TNFRSF10B: variants seen among roughly 807,000 people sequenced by gnomAD.
TNFRSF10B encodes TNF receptor superfamily member 10b, also known as tumor necrosis factor receptor superfamily member 10B.
Under a neutral mutation model 41.4 loss-of-function variants are expected in TNFRSF10B, and 35 were observed. That is an observed-to-expected ratio of 0.85 (90% CI 0.65 to 1.12). The LOEUF is 1.12. TNFRSF10B is among the 50% of genes most tolerant of loss of function. The probability of loss-of-function intolerance (pLI) is 0.00; values close to 1 mark genes in which losing one functional copy is unlikely to be tolerated. For synonymous variants in TNFRSF10B, 230 were observed against 215.5 expected (o/e 1.07, Z -0.59); for missense variants, 584 against 552.7 (o/e 1.06, Z -0.57).
chr8:23,068,991 G>A lies in TNFRSF10B; in HGVS notation c.-97C>T. 1 of 1,592,428 alleles carries A rather than the reference G, an allele frequency of 6.3e-7. No homozygotes were observed. Among genetic ancestry groups the A allele is most frequent in the Non-Finnish European group, 8.6e-7 (1 of 1,166,800 alleles). On this transcript the variant is annotated 5_prime_UTR_variant, in exon 1 of 9. Transcript: ENST00000276431. ...GGTGTATTTTGTGGGCGCAGAGATT[G>A]CGGGGTTCTCCGGCCGCGTGCTGAT...
chr8:23,053,461 A>C (rs1812578527), intron 1 of TNFRSF10B, among the ~76,000 whole-genome samples: 1 of 151,108 alleles, frequency 6.6e-6, no homozygotes, highest in Non-Finnish European at 1.5e-5. Context: ...TAAAAGGTTA[A>C]AGGATTGTTT....
chr8:23,023,088 C>T (rs1811589135), intron 8 of TNFRSF10B, 104 bp from the exon 9 acceptor site: 31 of 1,431,774 alleles, frequency 2.2e-5, no homozygotes, highest in South Asian at 1.6e-4. Context: ...TGGAGAGCCC[C>T]GTGTGCGGGC....
Position 23,022,452 on chromosome 8 carries a change from A to G in TNFRSF10B, c.*219T>C, listed in dbSNP as rs1292362033. 3 of 674,488 alleles carry G rather than the reference A, an allele frequency of 4.4e-6. No individual in the cohort carries two copies. The highest frequency in any genetic ancestry group is 1.8e-5 in the African/African-American group (1 of 56,662). The allele number at this position is 674,488 out of a possible 1,614,324, so 41.8% of individuals were successfully genotyped here. A position where few individuals can be genotyped will look rare whatever the true frequency, so the allele number is the denominator to read the frequency against. On this transcript the variant is annotated 3_prime_UTR_variant, in exon 9 of 9. Coordinates refer to ENST00000276431, the MANE Select transcript of TNFRSF10B (RefSeq NM_003842.5). ...CAAACGGAATGATCCAGACATTTCC[A>G]TAGTGTCCTTATTATCACATTCAGC...
At chr8:23,061,729 T>TAA (rs1812835444) in intron 1 of TNFRSF10B, among the ~76,000 whole-genome samples, 1 of 152,216 alleles carries the variant, frequency 6.6e-6, no homozygotes, top group South Asian at 2.1e-4. Context: ...GTTTGCTGGG[T>TAA]GTTTTCATCA....
intron 1 of TNFRSF10B, among the ~76,000 whole-genome samples, chr8:23,064,336 C>T (rs1448308962): frequency 1.3e-5 from 2 of 152,194 alleles, no homozygotes; most frequent in East Asian, 1.9e-4. Flanking sequence ...AATATGATTA[C>T]AAAATGTAGG....
At chr8:23,032,112 G>A (rs945889212) in intron 2 of TNFRSF10B, among the ~76,000 whole-genome samples, 1 of 151,974 alleles carries the variant, frequency 6.6e-6, no homozygotes, top group African/African-American at 2.4e-5. Flanking sequence ...TCACCATCTT[G>A]GCCAGGCTGT....
intron 1 of TNFRSF10B, among the ~76,000 whole-genome samples, chr8:23,048,855 G>C (rs898360017): frequency 6.6e-6 from 1 of 152,124 alleles, no homozygotes; most frequent in African/African-American, 2.4e-5. Context: ...TCCTGCCTCA[G>C]CCTCTCAAAG....
At chr8:23,048,587 C>T (rs1038234379) in intron 1 of TNFRSF10B, among the ~76,000 whole-genome samples, 4 of 152,064 alleles carry the variant, frequency 2.6e-5, no homozygotes, top group Non-Finnish European at 5.9e-5. Flanking sequence ...ATCTGTTGCA[C>T]AGTGCAATGA....
At chr8:23,040,423 TTAAA>T (rs1441444108) in intron 2 of TNFRSF10B, among the ~76,000 whole-genome samples, 2 of 33,976 alleles carry the variant, frequency 5.9e-5, no homozygotes, top group African/African-American at 1.1e-4. Flanking sequence ...TATATATTTA[TTAAA>T]TATATATATA....
intron 2 of TNFRSF10B, among the ~76,000 whole-genome samples, chr8:23,041,616 A>AAC (rs1812204968): frequency 1.3e-5 from 2 of 152,054 alleles, no homozygotes; most frequent in African/African-American, 4.8e-5. Context: ...AAAAAAAAAA[A>AAC]AAAAAAACCT....
rs549868508 is a variant in TNFRSF10B, at chr8:23,048,333, G to A, written c.145-5090C>T. Among the ~76,000 whole-genome samples the A allele has an allele frequency of 3.9e-5, 6 of 152,044 alleles. No homozygotes were observed. The East Asian group carries it at 7.7e-4, about 20-fold the overall frequency. On this transcript the variant is annotated intron_variant, in intron 1 of 8. Transcript: ENST00000276431. ...CATCTGTAATCCCAGCTACTCAGGA[G>A]GCTAAGGCAGGAGAATCACTTGAAC...
chr8:23,043,280 C>G, intron 1 of TNFRSF10B, 37 bp from the exon 2 acceptor site: 1 of 1,538,834 alleles, frequency 6.5e-7, no homozygotes, highest in Non-Finnish European at 9.0e-7. Flanking sequence ...TGAGTGGCTT[C>G]CAGACCTCAC....
Position 23,022,540 on chromosome 8 carries a change from G to A in TNFRSF10B, c.*131C>T, listed in dbSNP as rs1042090058. ...GATGTTCCATCCACTGGGTGATGTTGGATGGGAGAGTTTCTTCCAGTACCG... is the reference window on the plus strand; with the variant it reads ...GATGTTCCATCCACTGGGTGATGTTAGATGGGAGAGTTTCTTCCAGTACCG... On this transcript the variant is annotated 3_prime_UTR_variant, in exon 9 of 9. Coordinates refer to ENST00000276431, the MANE Select transcript of TNFRSF10B (RefSeq NM_003842.5). The A allele has an allele frequency of 1.1e-6, 1 of 947,312 alleles. No homozygotes were observed. Among genetic ancestry groups the A allele is most frequent in the African/African-American group, 1.6e-5 (1 of 61,736 alleles). The allele number at this position is 947,312 out of a possible 1,614,324, so 58.7% of individuals were successfully genotyped here. A position where few individuals can be genotyped will look rare whatever the true frequency, so the allele number is the denominator to read the frequency against.
rs34761330 is a variant in TNFRSF10B, at chr8:23,055,521, T to TAAAAAAAAAAA, written c.145-12289_145-12279dup. ...GTGCTTAAGTTAACTATTAAATGCT[T>TAAAAAAAAAAA]AAAAAAAAAAAAAAAAAAGCCAGTG... On this transcript the variant is annotated intron_variant, in intron 1 of 8. Coordinates refer to ENST00000276431, the MANE Select transcript of TNFRSF10B (RefSeq NM_003842.5). Among the ~76,000 whole-genome samples, 108 of 120,476 alleles carry TAAAAAAAAAAA rather than the reference T, an allele frequency of 9.0e-4. 1 individual carries two copies. Among genetic ancestry groups the TAAAAAAAAAAA allele is most frequent in the South Asian group, 2.0e-3 (7 of 3,508 alleles). The allele number at this position is 120,476 out of a possible 152,430, so 79.0% of individuals were successfully genotyped here.
chr8:23,038,267 T>A (rs4428669), intron 2 of TNFRSF10B, among the ~76,000 whole-genome samples: 129,460 of 152,176 alleles, frequency 0.85, 55,626 homozygotes, highest in East Asian at 0.98. Context: ...CAGGACCACT[T>A]ATAGCTCAGA....
At chr8:23,025,328 G>A (rs965837526) in intron 7 of TNFRSF10B, among the ~76,000 whole-genome samples, 1 of 152,064 alleles carries the variant, frequency 6.6e-6, no homozygotes, top group African/African-American at 2.4e-5. Context: ...TATCTTCTTT[G>A]ATAATAAAAT....
At chr8:23,058,237 ACT>A (rs1812725969) in intron 1 of TNFRSF10B, among the ~76,000 whole-genome samples, 1 of 151,832 alleles carries the variant, frequency 6.6e-6, no homozygotes, top group African/African-American at 2.4e-5. Context: ...ATAGACCAAG[ACT>A]CTGTCTCAAA....
intron 2 of TNFRSF10B, among the ~76,000 whole-genome samples, chr8:23,040,603 A>G (rs775284532): frequency 4.6e-5 from 7 of 151,016 alleles, no homozygotes; most frequent in Non-Finnish European, 7.4e-5. Flanking sequence ...CAAAATATAT[A>G]TAAGACATAA....
intron 2 of TNFRSF10B, among the ~76,000 whole-genome samples, chr8:23,033,849 T>C (rs1485446249): frequency 2.0e-5 from 3 of 151,990 alleles, no homozygotes; most frequent in Non-Finnish European, 4.4e-5. Context: ...GCAAGTTGTC[T>C]GGGTCTTTTC....
Sources: gnomAD v4.1 joint callset for allele counts (sites outside exome capture counted in the v4.1 genomes callset) on GRCh38, gnomAD v4.1.1 for gene constraint, MANE v1.5 for transcripts, NCBI Gene and HGNC (gene_info 2026-07-23, HGNC 2026-07-21) for gene names.